Variants in CFAP100 observed in about 807,000 individuals in gnomAD.
CFAP100 encodes cilia- and flagella-associated protein 100.
Under a neutral mutation model 81.5 loss-of-function variants are expected in CFAP100, and 70 were observed. The ratio of observed to expected loss-of-function variants is 0.86; its 90% CI spans 0.71 to 1.05. The LOEUF (loss-of-function observed/expected upper bound fraction) is 1.05. Ranked by LOEUF, CFAP100 falls within the 50% of genes least tolerant of loss-of-function variation. The pLI, the probability that CFAP100 is intolerant of heterozygous loss-of-function variation, is 0.00. For missense variants in CFAP100, 811 were observed against 776.5 expected (o/e 1.04, Z -0.53); for synonymous variants, 341 against 314.8 (o/e 1.08, Z -0.88).
At chr3:126,433,321 T>G (rs1397714789) in intron 14 of CFAP100, 117 bp downstream of exon 14, 2 of 1,268,158 alleles carry the variant, frequency 1.6e-6, no homozygotes, top group African/African-American at 3.0e-5. Context: ...GTGAGTGCCC[T>G]GCAGCTGCCC....
intron 13 of CFAP100, among the ~76,000 whole-genome samples, chr3:126,426,681 C>A (rs551342399): frequency 4.6e-5 from 7 of 152,210 alleles, no homozygotes; most frequent in Admixed American, 3.3e-4. Flanking sequence ...ACTTGGGAGG[C>A]GGAGGTTGCA....
At chr3:126,421,814 C>G (rs1242988828) in intron 11 of CFAP100, among the ~76,000 whole-genome samples, 2 of 152,258 alleles carry the variant, frequency 1.3e-5, no homozygotes, top group Non-Finnish European at 2.9e-5. Context: ...CCAGCCACCA[C>G]TGGGGCATGC....
chr3:126,397,334 C>G (rs1436232601), intron 2 of CFAP100, among the ~76,000 whole-genome samples: 1 of 152,170 alleles, frequency 6.6e-6, no homozygotes, highest in African/African-American at 2.4e-5. Context: ...TAGGTGTGCA[C>G]ACGCTCTCTC....
intron 11 of CFAP100, among the ~76,000 whole-genome samples, chr3:126,422,288 T>C (rs985934444): frequency 7.2e-5 from 11 of 152,228 alleles, no homozygotes; most frequent in African/African-American, 2.7e-4. Context: ...ATCTGTAAAA[T>C]GGGCATCGGT....
chr3:126,418,554 A>G (rs753010329), intron 6 of CFAP100, 29 bp downstream of exon 6: 1 of 1,613,796 alleles, frequency 6.2e-7, no homozygotes, highest in Non-Finnish European at 8.5e-7. Flanking sequence ...AGAGCGATGG[A>G]TGCCAGCAGT....
intron 15 of CFAP100, among the ~76,000 whole-genome samples, chr3:126,435,046 G>A (rs777941012): frequency 3.3e-5 from 5 of 152,128 alleles, no homozygotes; most frequent in Non-Finnish European, 7.4e-5. Flanking sequence ...CTGAGACAGC[G>A]CAATCTGCAA....
intron 11 of CFAP100, 141 bp downstream of exon 11, chr3:126,420,370 G>T: frequency 1.6e-6 from 2 of 1,242,942 alleles, no homozygotes; most frequent in Non-Finnish European, 2.2e-6. Context: ...GGCCAGACAG[G>T]GACGTCCCAG....
At position 126,396,115 on chromosome 3, in the gene CFAP100, C is replaced by A. The variant is rs1013883875; in HGVS notation, c.49+66C>A. The A allele has an allele frequency of 1.7e-5, 22 of 1,257,892 alleles. No homozygotes were observed. In the East Asian group the frequency reaches 5.1e-4, roughly 29 times the overall value. The allele number at this position is 1,257,892 out of a possible 1,614,324, so 77.9% of individuals were successfully genotyped here. ...GCAGCTTCGGAGCCTGTCCAGCTCC[C>A]TCACAGGTTAAGGTAGCTCTAAACC... On this transcript the variant is annotated intron_variant, in intron 2 of 16. Coordinates refer to ENST00000352312, the MANE Select transcript of CFAP100 (RefSeq NM_182628.3).
At chr3:126,395,066 C>T (rs2082865427) in intron 1 of CFAP100, 88 bp downstream of exon 1, 1 of 152,330 alleles carries the variant, frequency 6.6e-6, no homozygotes, top group Non-Finnish European at 1.5e-5. Context: ...AACCAGGGCC[C>T]GAGGGGCGCG....
intron 7 of CFAP100, 127 bp downstream of exon 7, chr3:126,418,901 G>A: frequency 8.0e-7 from 1 of 1,253,262 alleles, no homozygotes; most frequent in Non-Finnish European, 1.1e-6. Context: ...ACCAGGGCCG[G>A]TCGGGAGCCA....
At chr3:126,418,109 G>A (rs1421194219) in intron 5 of CFAP100, 3 of 267,776 alleles carry the variant, frequency 1.1e-5, no homozygotes, top group East Asian at 1.0e-4. Context: ...TTCAGGTCCT[G>A]GCTAGAAGGC....
At chr3:126,395,086 G>A (rs932586768) in intron 1 of CFAP100, 108 bp downstream of exon 1, 1 of 152,460 alleles carries the variant, frequency 6.6e-6, no homozygotes, top group Admixed American at 6.5e-5. Flanking sequence ...GCGTGGCCGG[G>A]AGCGGACTTG....
chr3:126,402,093 C>T (rs918954092), intron 2 of CFAP100, among the ~76,000 whole-genome samples: 11 of 152,196 alleles, frequency 7.2e-5, no homozygotes, highest in Non-Finnish European at 7.3e-5. Flanking sequence ...TCCTTCAGGG[C>T]GGCATCCCCA....
intron 11 of CFAP100, among the ~76,000 whole-genome samples, chr3:126,422,586 C>A (rs926428991): frequency 3.3e-5 from 5 of 151,986 alleles, no homozygotes; most frequent in Non-Finnish European, 7.4e-5. Context: ...CAGGTGAGGT[C>A]CCCATCGAGT....
chr3:126,436,178 G>A (rs1254518156), intron 16 of CFAP100, 113 bp from the exon 17 acceptor site: 5 of 715,094 alleles, frequency 7.0e-6, no homozygotes, highest in Non-Finnish European at 1.2e-5. Context: ...GGGCTGACCA[G>A]AGTGGCCTGG....
intron 2 of CFAP100, among the ~76,000 whole-genome samples, chr3:126,397,406 C>T (rs1483336967): frequency 6.6e-6 from 1 of 152,194 alleles, no homozygotes; most frequent in Admixed American, 6.5e-5. Flanking sequence ...GGTTTAAAAA[C>T]AAAGATGGCT....
At chr3:126,404,789 C>T (rs921803321) in intron 2 of CFAP100, among the ~76,000 whole-genome samples, 1 of 152,186 alleles carries the variant, frequency 6.6e-6, no homozygotes, top group Non-Finnish European at 1.5e-5. Flanking sequence ...ATTCTCCTGC[C>T]TCAGCCTCCC....
intron 15 of CFAP100, 68 bp from the exon 16 acceptor site, chr3:126,435,491 C>T: frequency 7.4e-7 from 1 of 1,344,206 alleles, no homozygotes; most frequent in Non-Finnish European, 1.0e-6. Context: ...GGCCTGGGGA[C>T]TCCGTGTGGA....
intron 8 of CFAP100, 89 bp from the exon 9 acceptor site, chr3:126,419,548 C>A: frequency 8.1e-7 from 1 of 1,233,842 alleles, no homozygotes; most frequent in Non-Finnish European, 1.2e-6. Context: ...CAGACTTGGC[C>A]AGGATGGAGG....
Sources: allele counts gnomAD v4.1 joint callset (sites outside exome capture counted in the v4.1 genomes callset), GRCh38; gene constraint gnomAD v4.1.1; transcripts MANE v1.5; gene names NCBI Gene and HGNC (gene_info 2026-07-23, HGNC 2026-07-21).